DNAH3: variants seen among roughly 807,000 people sequenced by gnomAD.
DNAH3 encodes the protein dynein axonemal heavy chain 3.
A neutral mutation model predicts 432.5 loss-of-function variants in DNAH3; 332 were observed. That is an observed-to-expected ratio of 0.77 (90% confidence interval 0.70 to 0.84). The LOEUF is 0.84. Ranked by LOEUF, DNAH3 falls within the 40% of genes least tolerant of loss-of-function variation. The pLI is 0.00. For synonymous variants in DNAH3, 1,956 were observed against 1,900.2 expected, an observed-to-expected ratio of 1.03 and a Z score of -0.76; for missense variants, 4,861 against 5,114.0, an observed-to-expected ratio of 0.95 and a Z score of 1.51.
At chr16:21,042,130 A>T in exon 32 of DNAH3, 8 of 1,613,550 alleles carry the variant, frequency 5.0e-6, no homozygotes, top group Non-Finnish European at 6.8e-6. Context: ...TTCAAAGATG[A>T]ATGTCTTTAG....
At chr16:20,970,087 G>GAAGCACCTCT in intron 51 of DNAH3, 97 bp from the exon 52 acceptor site, 1 of 1,164,732 alleles carries the variant, frequency 8.6e-7, no homozygotes, top group Non-Finnish European at 1.3e-6. Context: ...GAAGGAAGAG[G>GAAGCACCTCT]TGCTTCCTCT....
rs575517142 is a variant in DNAH3 at position 20,947,688 on chromosome 16, G to A, written c.11343+795C>T. Among the ~76,000 whole-genome samples, 274 of 152,272 alleles carry A rather than the reference G, an allele frequency of 1.8e-3. 1 individual carries two copies. The highest frequency in any genetic ancestry group is 3.2e-3 in the Admixed American group (49 of 15,292). On this transcript the variant is annotated intron_variant, in intron 57 of 61. Coordinates refer to ENST00000261383, the Ensembl canonical transcript of DNAH3. ...AGAAGTCTTCTTCTGTATTGATGGT[G>A]GTGGTGGTTGTGGTGAGACAGTAGT...
chr16:21,132,898 C>CT (rs397735231), intron 7 of DNAH3, among the ~76,000 whole-genome samples: 42,348 of 150,892 alleles, frequency 0.28, 5,987 homozygotes, highest in African/African-American at 0.33. Flanking sequence ...GGATATCTCA[C>CT]TTTTTTTTAA....
At chr16:21,050,005 C>A in exon 30 of DNAH3, 5 of 1,613,976 alleles carry the variant, frequency 3.1e-6, no homozygotes, top group African/African-American at 1.3e-5. Context: ...AGCTTCAAAG[C>A]TCCCATCAGT....
At chr16:21,086,789 G>C (rs750185192) in intron 19 of DNAH3, 60 bp downstream of exon 19, 18 of 1,471,310 alleles carry the variant, frequency 1.2e-5, no homozygotes, top group Non-Finnish European at 1.7e-5. Flanking sequence ...GCCTTCCCAA[G>C]GACAGTCAGG....
intron 49 of DNAH3, 69 bp from the exon 50 acceptor site, chr16:20,979,615 T>C: frequency 7.1e-7 from 1 of 1,410,070 alleles, no homozygotes; most frequent in Non-Finnish European, 1.0e-6. Context: ...CAGCTTTAGT[T>C]ATAGACATGA....
rs533864990 is a variant in DNAH3 at position 21,051,643 on chromosome 16, C to T, written c.4238+27G>A. On this transcript the variant is annotated intron_variant, in intron 29 of 61. Coordinates refer to ENST00000261383, the Ensembl canonical transcript of DNAH3. ...TTCCCCTGGAGTTCTCCGTTCACCC[C>T]TCAGATCTAGGAGCTCCAGAGTGTA... is the stretch of plus-strand genomic sequence containing the variant. 3.1e-6 allele frequency: 5 copies of T among 1,610,636 alleles called. No individual in the cohort carries two copies. In the African/African-American group the frequency reaches 5.3e-5, roughly 17 times the overall value.
At chr16:20,945,943 C>A (rs572806166) in intron 57 of DNAH3, among the ~76,000 whole-genome samples, 1 of 152,250 alleles carries the variant, frequency 6.6e-6, no homozygotes, top group East Asian at 1.9e-4. Flanking sequence ...TCATCTGAAA[C>A]CCCAGTTTCC....
exon 44 of DNAH3, chr16:20,997,382 A>G: frequency 6.2e-7 from 1 of 1,614,194 alleles, no homozygotes; most frequent in Non-Finnish European, 8.5e-7. Context: ...TCAAACCAGT[A>G]ACCATGGTCA....
At chr16:21,002,166 T>TACC (rs1263149483) in intron 42 of DNAH3, among the ~76,000 whole-genome samples, 20 of 152,034 alleles carry the variant, frequency 1.3e-4, no homozygotes, top group Non-Finnish European at 2.9e-4. Context: ...CTCCACCACC[T>TACC]ACCACTCCAC....
chr16:21,088,203 T>TA (rs1048619100), intron 18 of DNAH3, among the ~76,000 whole-genome samples: 2 of 152,030 alleles, frequency 1.3e-5, no homozygotes, highest in African/African-American at 2.4e-5. Flanking sequence ...AAATTTAAAT[T>TA]AAAAAAAAGT....
intron 3 of DNAH3, among the ~76,000 whole-genome samples, chr16:21,144,103 G>A (rs1049461020): frequency 1.3e-5 from 2 of 152,112 alleles, no homozygotes; most frequent in African/African-American, 4.8e-5. Flanking sequence ...ACCTATGCTT[G>A]GTGGGAATTA....
chr16:20,949,259 G>C (rs2077422707), intron 56 of DNAH3, among the ~76,000 whole-genome samples: 1 of 85,800 alleles, frequency 1.2e-5, no homozygotes, highest in African/African-American at 4.9e-5. Context: ...GAGGGAGACT[G>C]TCTCAAAAAA....
rs552672316 is a variant in DNAH3, at chr16:21,063,690, A to G, written c.3519-1007T>C. ...CCCGAGTAGCTGGGACTACAGGCGC[A>G]TGCCACCACGCACGGCTAATTTTTG... On this transcript the variant is annotated intron_variant, in intron 24 of 61. Coordinates refer to ENST00000261383, the Ensembl canonical transcript of DNAH3. 4.5e-4 allele frequency among the ~76,000 whole-genome samples: 68 copies of G among 151,952 alleles called. No individual in the cohort carries two copies. In the East Asian group the frequency reaches 0.012, roughly 26 times the overall value.
chr16:20,944,423 C>T, intron 58 of DNAH3, 73 bp downstream of exon 58: 1 of 1,549,192 alleles, frequency 6.5e-7, no homozygotes, highest in Non-Finnish European at 8.9e-7. Context: ...GGTCACCCTC[C>T]AATCCTGTGT....
At chr16:21,070,866 C>G in intron 21 of DNAH3, 40 bp from the exon 22 acceptor site, 2 of 1,245,356 alleles carry the variant, frequency 1.6e-6, no homozygotes, top group Non-Finnish European at 2.4e-6. Context: ...GATTGTGAAA[C>G]CTCCCCATTT....
chr16:21,042,065 C>G, exon 32 of DNAH3: 2 of 1,613,894 alleles, frequency 1.2e-6, no homozygotes, highest in Non-Finnish European at 1.7e-6. Context: ...CCAGCATACC[C>G]GGGGTTCATG....
chr16:21,006,877 A>G (rs142252779), intron 41 of DNAH3, among the ~76,000 whole-genome samples: 2 of 152,070 alleles, frequency 1.3e-5, no homozygotes, highest in Non-Finnish European at 2.9e-5. Flanking sequence ...GGTTTTTGCT[A>G]TGTTGCCCAG....
intron 44 of DNAH3, among the ~76,000 whole-genome samples, chr16:20,996,258 A>G (rs2086757179): frequency 6.6e-6 from 1 of 151,976 alleles, no homozygotes. Context: ...GCATGTGTAT[A>G]TACCATCTAC....
Sources: allele counts gnomAD v4.1 joint callset (sites outside exome capture counted in the v4.1 genomes callset), GRCh38; gene constraint gnomAD v4.1.1; transcripts MANE v1.5; gene names NCBI Gene and HGNC (gene_info 2026-07-23, HGNC 2026-07-21).